Variants in RGS7 observed in about 807,000 individuals in gnomAD.
The protein encoded by RGS7 is regulator of G protein signaling 7.
In RGS7, 27 loss-of-function variants were observed where a neutral mutation model predicts 81.1. That is an observed-to-expected ratio of 0.33 (90% CI 0.25 to 0.46). The LOEUF (loss-of-function observed/expected upper bound fraction) is 0.46, where lower values mean the gene tolerates loss of function less well. RGS7 is among the 20% of genes least tolerant of loss of function. The pLI is 1.00. For synonymous variants in RGS7, 208 were observed against 207.7 expected, an observed-to-expected ratio of 1.00 and a Z score of -0.01; for missense variants, 396 against 607.4, an observed-to-expected ratio of 0.65 and a Z score of 3.66.
chr1:241,034,557 G>A (rs960766605), intron 3 of RGS7, among the ~76,000 whole-genome samples: 4 of 152,168 alleles, frequency 2.6e-5, no homozygotes, highest in African/African-American at 9.7e-5. Flanking sequence ...AGAGTCATGA[G>A]ACAGCTACAC....
rs2081845629 is a variant in RGS7 at position 241,329,687 on chromosome 1, C to T, written c.78+26012G>A. Reference sequence around the variant, plus strand: ...CTTAAGAAACAGGTTCTCTTGGGTCCTTAAGTGCTGGATAATGTGGTGCTG... The same window carrying T: ...CTTAAGAAACAGGTTCTCTTGGGTCTTTAAGTGCTGGATAATGTGGTGCTG... On this transcript the variant is annotated intron_variant, in intron 2 of 18. Transcript: ENST00000440928. 2.6e-5 allele frequency among the ~76,000 whole-genome samples: 4 copies of T among 152,188 alleles called. No individual in the cohort carries two copies. In the South Asian group the frequency reaches 8.3e-4, roughly 32 times the overall value.
At chr1:240,813,472 G>A (rs542830200) in intron 13 of RGS7, 146 bp downstream of exon 13, 7 of 674,232 alleles carry the variant, frequency 1.0e-5, no homozygotes, top group Middle Eastern at 2.4e-4. Flanking sequence ...CAAAAGCCAT[G>A]ATCTCGAACA....
chr1:241,202,600 G>A (rs1460935176), intron 2 of RGS7, among the ~76,000 whole-genome samples: 1 of 152,172 alleles, frequency 6.6e-6, no homozygotes, highest in Non-Finnish European at 1.5e-5. Context: ...ACTGAGTGGG[G>A]AAGCTCAGCA....
intron 3 of RGS7, among the ~76,000 whole-genome samples, chr1:240,986,029 A>G (rs536675362): frequency 6.6e-6 from 1 of 152,022 alleles, no homozygotes; most frequent in Non-Finnish European, 1.5e-5. Flanking sequence ...CATATAATGT[A>G]TATGTAGAAA....
At chr1:241,025,262 C>T (rs2059728702) in intron 3 of RGS7, among the ~76,000 whole-genome samples, 1 of 152,172 alleles carries the variant, frequency 6.6e-6, no homozygotes, top group Non-Finnish European at 1.5e-5. Flanking sequence ...GTGGCAGCAA[C>T]ATCAGTAGAG....
At chr1:240,926,728 G>A (rs770382832) in intron 6 of RGS7, among the ~76,000 whole-genome samples, 26 of 152,062 alleles carry the variant, frequency 1.7e-4, no homozygotes, top group Non-Finnish European at 3.1e-4. Context: ...AAATACATCT[G>A]GGAAAGCCCA....
chr1:240,967,576 G>A (rs936508719), intron 4 of RGS7, among the ~76,000 whole-genome samples: 11 of 130,242 alleles, frequency 8.4e-5, no homozygotes, highest in Non-Finnish European at 1.9e-4. Flanking sequence ...AGTGGGGGGG[G>A]GGGGGAAAAG....
At chr1:241,104,269 G>A (rs919665961) in intron 2 of RGS7, among the ~76,000 whole-genome samples, 3 of 151,910 alleles carry the variant, frequency 2.0e-5, no homozygotes, top group Admixed American at 6.6e-5. Context: ...TAATTCAGCC[G>A]GCAAAGATGC....
chr1:241,110,693 TC>T (rs1558732527), intron 2 of RGS7, among the ~76,000 whole-genome samples: 1 of 140,118 alleles, frequency 7.1e-6, no homozygotes, highest in African/African-American at 3.1e-5. Context: ...TCTCACTCAC[TC>T]TTTTTTTTTT....
intron 3 of RGS7, among the ~76,000 whole-genome samples, chr1:241,080,895 T>C (rs531389089): frequency 9.8e-5 from 15 of 152,328 alleles, no homozygotes; most frequent in Non-Finnish European, 1.6e-4. Flanking sequence ...GAAGACTGGA[T>C]TTAAAAATAG....
At chr1:240,838,733 G>A (rs1572350817) in intron 9 of RGS7, among the ~76,000 whole-genome samples, 1 of 151,848 alleles carries the variant, frequency 6.6e-6, no homozygotes, top group South Asian at 2.1e-4. Context: ...GATGATTTGA[G>A]GTCGTGATTA....
Position 241,292,880 on chromosome 1 carries a change from C to T in RGS7, c.78+62819G>A, listed in dbSNP as rs541423506. 3.0e-4 allele frequency among the ~76,000 whole-genome samples: 46 copies of T among 152,266 alleles called. 1 individual carries two copies. The South Asian group carries it at 8.3e-3, about 27-fold the overall frequency. ...AAGTATAGCTCTTTAAAATTATTTA[C>T]GACACAAATCAGAAGAGTTCAAATA... On this transcript the variant is annotated intron_variant, in intron 2 of 18. Transcript: ENST00000440928.
intron 3 of RGS7, among the ~76,000 whole-genome samples, chr1:241,034,725 C>A (rs1252331539): frequency 1.3e-5 from 2 of 152,064 alleles, no homozygotes; most frequent in African/African-American, 2.4e-5. Context: ...CATGGAGGGG[C>A]AAAAGAGGTT....
intron 2 of RGS7, among the ~76,000 whole-genome samples, chr1:241,325,634 T>A (rs952161201): frequency 5.9e-5 from 9 of 152,180 alleles, no homozygotes; most frequent in Non-Finnish European, 1.2e-4. Context: ...TTTGGGTTAT[T>A]GGCAACTTTT....
intron 2 of RGS7, among the ~76,000 whole-genome samples, chr1:241,121,710 CTTTTTTT>C (rs10681773): frequency 5.1e-4 from 34 of 66,404 alleles, no homozygotes; most frequent in South Asian, 6.5e-4. Context: ...TGCAATTGTT[CTTTTTTT>C]TTTTTTTTTT....
intron 3 of RGS7, among the ~76,000 whole-genome samples, chr1:241,016,169 A>C (rs1201127626): frequency 6.6e-6 from 1 of 152,184 alleles, no homozygotes; most frequent in Non-Finnish European, 1.5e-5. Context: ...AAAATTATGA[A>C]GATTTGGAGC....
At chr1:240,890,813 G>A (rs1192425936) in intron 6 of RGS7, among the ~76,000 whole-genome samples, 2 of 150,176 alleles carry the variant, frequency 1.3e-5, no homozygotes, top group African/African-American at 5.1e-5. Context: ...TTTGAACCCA[G>A]TTGTCTGGGA....
intron 4 of RGS7, among the ~76,000 whole-genome samples, chr1:240,978,847 T>C (rs1340758916): frequency 6.6e-6 from 1 of 152,186 alleles, no homozygotes; most frequent in African/African-American, 2.4e-5. Flanking sequence ...TATTAAACCC[T>C]CAGGAAAGCA....
At position 241,310,678 on chromosome 1, in the gene RGS7, T is replaced by C. The variant is rs148464238; in HGVS notation, c.78+45021A>G. On this transcript the variant is annotated intron_variant, in intron 2 of 18. Coordinates refer to ENST00000440928, the MANE Select transcript of RGS7 (RefSeq NM_001364886.1). ...ATGACTGCCCATGTAAAGGAGCTTA[T>C]AGCAGTGACTGATGAGTGAATCATT... is the stretch of plus-strand genomic sequence containing the variant. 2.8e-4 allele frequency among the ~76,000 whole-genome samples: 42 copies of C among 152,224 alleles called. No individual in the cohort carries two copies. In the East Asian group the frequency reaches 7.5e-3, roughly 27 times the overall value.
Sources: allele counts gnomAD v4.1 joint callset (sites outside exome capture counted in the v4.1 genomes callset), GRCh38; gene constraint gnomAD v4.1.1; transcripts MANE v1.5; gene names NCBI Gene and HGNC (gene_info 2026-07-23, HGNC 2026-07-21).